Variants in ZNF804B observed in about 807,000 individuals in gnomAD.
ZNF804B encodes zinc finger 804B.
A neutral mutation model predicts 101.4 loss-of-function variants in ZNF804B; 80 were observed. The observed-to-expected ratio is 0.79, with a 90% CI of 0.66 to 0.95. The LOEUF (loss-of-function observed/expected upper bound fraction) is 0.95, where lower values mean the gene tolerates loss of function less well. Ranked by LOEUF, ZNF804B falls within the 40% of genes least tolerant of loss-of-function variation. The pLI is 0.00. For synonymous variants in ZNF804B, 622 were observed against 558.8 expected, an observed-to-expected ratio of 1.11 and a Z score of -1.59; for missense variants, 1,673 against 1,561.9, an observed-to-expected ratio of 1.07 and a Z score of -1.20.
chr7:88,911,464 ATAT>A (rs1260054888), intron 1 of ZNF804B, among the ~76,000 whole-genome samples: 3 of 148,378 alleles, frequency 2.0e-5, no homozygotes, highest in Non-Finnish European at 1.5e-5. Context: ...ATATATATTT[ATAT>A]TATTCTTATG....
chr7:89,035,729 C>T (rs1788915263), intron 1 of ZNF804B, among the ~76,000 whole-genome samples: 1 of 151,230 alleles, frequency 6.6e-6, no homozygotes. Context: ...AATGGGTTGG[C>T]AGATTCCAAA....
At chr7:89,331,490 T>C (rs1437476955) in intron 3 of ZNF804B, among the ~76,000 whole-genome samples, 1 of 151,742 alleles carries the variant, frequency 6.6e-6, no homozygotes. Context: ...ATAAGAACTT[T>C]CCGTTATGAA....
At chr7:89,171,405 TCTTCTTCTTCTTCTCCTTCTC>T (rs1338002504) in intron 1 of ZNF804B, among the ~76,000 whole-genome samples, 4 of 146,670 alleles carry the variant, frequency 2.7e-5, no homozygotes, top group South Asian at 2.2e-4. Flanking sequence ...CTCTTCTTCT[TCTTCTTCTTCTTCTCCTTCTC>T]CTTCTCCTTC....
intron 2 of ZNF804B, among the ~76,000 whole-genome samples, chr7:89,222,790 A>T (rs1789026009): frequency 6.6e-6 from 1 of 151,948 alleles, no homozygotes; most frequent in African/African-American, 2.4e-5. Flanking sequence ...TTTAACACAG[A>T]ATTTTAAAAA....
At chr7:89,309,759 C>CACAAAA in intron 2 of ZNF804B, among the ~76,000 whole-genome samples, 1 of 70,820 alleles carries the variant, frequency 1.4e-5, no homozygotes, top group Non-Finnish European at 2.5e-5. Context: ...GACCCTGTCT[C>CACAAAA]AAAAAAAAAA....
chr7:89,015,634 A>G (rs988208726), intron 1 of ZNF804B, among the ~76,000 whole-genome samples: 2 of 151,908 alleles, frequency 1.3e-5, no homozygotes, highest in African/African-American at 2.4e-5. Flanking sequence ...ATGATTTCCA[A>G]TTTCATCCAT....
chr7:89,289,945 G>C (rs1289820094), intron 2 of ZNF804B, among the ~76,000 whole-genome samples: 2 of 152,160 alleles, frequency 1.3e-5, no homozygotes, highest in African/African-American at 2.4e-5. Flanking sequence ...GGATCCAAGA[G>C]AGATTTCTTC....
In ZNF804B at chr7:89,334,470, C is replaced by T; in HGVS notation, c.1488C>T (p.Asp496=). The T allele has an allele frequency of 6.2e-7, 1 of 1,613,642 alleles. No individual in the cohort carries two copies. Among genetic ancestry groups the T allele is most frequent in the South Asian group, 1.1e-5 (1 of 91,070 alleles). ...RNTKEDHNLE[D]LKTELGKKPL... ...CAAAGGAAGACCACAATCTAGAGGA[C>T]TTAAAAACAGAATTGGGTAAGAAGC... The change falls in exon 4 of 4, where the codon GAC becomes GAT. Residue 496 remains aspartate (D), a synonymous_variant. Coordinates refer to ENST00000333190, the MANE Select transcript of ZNF804B (RefSeq NM_181646.5).
chr7:89,276,456 G>T (rs1296132978), intron 2 of ZNF804B, among the ~76,000 whole-genome samples: 8 of 151,652 alleles, frequency 5.3e-5, no homozygotes, highest in Non-Finnish European at 1.2e-4. Flanking sequence ...GTTTTATAAG[G>T]GGTTCACTAA....
intron 1 of ZNF804B, among the ~76,000 whole-genome samples, chr7:89,176,571 T>TTTTCTTTC (rs1322230086): frequency 8.1e-6 from 1 of 123,696 alleles, no homozygotes; most frequent in African/African-American, 3.1e-5. Flanking sequence ...CTTTTCTTTT[T>TTTTCTTTC]TTTCTTTCTT....
chr7:88,872,997 G>A (rs1791862684), intron 1 of ZNF804B, among the ~76,000 whole-genome samples: 1 of 151,828 alleles, frequency 6.6e-6, no homozygotes, highest in Admixed American at 6.6e-5. Flanking sequence ...TAATGGGATG[G>A]CTGGGTCAAA....
intron 1 of ZNF804B, among the ~76,000 whole-genome samples, chr7:88,904,041 A>T (rs982184723): frequency 6.6e-6 from 1 of 152,222 alleles, no homozygotes; most frequent in Admixed American, 6.5e-5. Flanking sequence ...TGATGTCAAG[A>T]TGGGTATTTC....
intron 1 of ZNF804B, among the ~76,000 whole-genome samples, chr7:88,921,950 A>G (rs1463255345): frequency 2.0e-5 from 3 of 152,244 alleles, no homozygotes; most frequent in African/African-American, 7.2e-5. Context: ...TTGAAAATGT[A>G]AAATATTGTA....
intron 1 of ZNF804B, among the ~76,000 whole-genome samples, chr7:89,122,124 C>G (rs1017409799): frequency 2.6e-5 from 4 of 151,940 alleles, no homozygotes; most frequent in Non-Finnish European, 5.9e-5. Context: ...GTAACCACAG[C>G]AGTTTTTTAG....
At chr7:89,074,884 G>A (rs1383021102) in intron 1 of ZNF804B, among the ~76,000 whole-genome samples, 1 of 152,186 alleles carries the variant, frequency 6.6e-6, no homozygotes, top group Non-Finnish European at 1.5e-5. Flanking sequence ...ATGGAGATGA[G>A]GAACTTGTTG....
chr7:88,912,499 A>C (rs1792564349), intron 1 of ZNF804B, among the ~76,000 whole-genome samples: 1 of 152,132 alleles, frequency 6.6e-6, no homozygotes, highest in Non-Finnish European at 1.5e-5. Flanking sequence ...CTAAGTTCAC[A>C]AATATTTTAT....
At chr7:89,248,466 G>GAAAAAA (rs139869508) in intron 2 of ZNF804B, among the ~76,000 whole-genome samples, 33,467 of 140,256 alleles carry the variant, frequency 0.24, 4,268 homozygotes, top group Non-Finnish European at 0.27. Flanking sequence ...AGCATTCTTT[G>GAAAAAA]AAAAAAAAAG....
chr7:88,857,334 T>G (rs2115846938), intron 1 of ZNF804B, among the ~76,000 whole-genome samples: 1 of 152,214 alleles, frequency 6.6e-6, no homozygotes, highest in South Asian at 2.1e-4. Flanking sequence ...GCTGGTTTTT[T>G]GAAAAGCTCA....
chr7:89,218,104 T>A lies in ZNF804B; in HGVS notation c.109-51T>A, dbSNP rs771716020. On this transcript the variant is annotated intron_variant, in intron 1 of 3. Coordinates refer to ENST00000333190, the MANE Select transcript of ZNF804B (RefSeq NM_181646.5). The stretch of plus-strand genomic sequence containing the variant: ...CCACCTTGATTAATACGAGATCTGG[T>A]TATGCTATTAGAGAGAAGTCTAACC... 5 of 1,561,020 alleles carry A rather than the reference T, an allele frequency of 3.2e-6. No homozygotes were observed. The South Asian group carries it at 5.8e-5, about 18-fold the overall frequency.
Sources: allele counts gnomAD v4.1 joint callset (sites outside exome capture counted in the v4.1 genomes callset), GRCh38; gene constraint gnomAD v4.1.1; transcripts MANE v1.5; gene names NCBI Gene and HGNC (gene_info 2026-07-23, HGNC 2026-07-21).